Variants in STX8 observed in about 807,000 individuals in gnomAD.
The protein encoded by STX8 is syntaxin 8.
In STX8, 23 loss-of-function variants were observed where a neutral mutation model predicts 37.5. That is an observed-to-expected ratio of 0.61 (90% CI 0.44 to 0.87). The LOEUF (loss-of-function observed/expected upper bound fraction) is 0.87, where lower values mean the gene tolerates loss of function less well. STX8 is among the 40% of genes least tolerant of loss of function. STX8 has a pLI of 0.00. For synonymous variants in STX8, 115 were observed against 99.1 expected (o/e 1.16, Z -0.95); for missense variants, 313 against 284.7 (o/e 1.10, Z -0.71).
chr17:9,363,715 C>G (rs1911138864), intron 7 of STX8, among the ~76,000 whole-genome samples: 2 of 152,260 alleles, frequency 1.3e-5, no homozygotes, highest in South Asian at 4.1e-4. Flanking sequence ...GAAATCATAC[C>G]TTATCTTTCC....
chr17:9,541,616 G>A lies in STX8; in HGVS notation c.323+3556C>T, dbSNP rs543733566. ...CAAAGCCCACATGACTGACAGACTA[G>A]AAAGCTACAGAACTGGGTCCTTCTA... On this transcript the variant is annotated intron_variant, in intron 4 of 7. Transcript: ENST00000306357. Among the ~76,000 whole-genome samples the A allele has an allele frequency of 7.9e-5, 12 of 152,326 alleles. No individual in the cohort carries two copies. In the East Asian group the frequency reaches 2.3e-3, roughly 29 times the overall value.
intron 6 of STX8, among the ~76,000 whole-genome samples, chr17:9,464,175 C>G (rs895679465): frequency 5.9e-5 from 9 of 152,202 alleles, no homozygotes; most frequent in African/African-American, 2.2e-4. Flanking sequence ...AAATCTGATT[C>G]TTAAACAGCA....
At chr17:9,257,241 T>TA (rs1389891981) in intron 7 of STX8, among the ~76,000 whole-genome samples, 4 of 152,158 alleles carry the variant, frequency 2.6e-5, no homozygotes, top group Non-Finnish European at 5.9e-5. Flanking sequence ...TCATGGCAAT[T>TA]AAAAAAAGAT....
chr17:9,424,390 A>G (rs1913550874), intron 6 of STX8, among the ~76,000 whole-genome samples: 1 of 152,004 alleles, frequency 6.6e-6, no homozygotes, highest in Non-Finnish European at 1.5e-5. Flanking sequence ...TCAGGCCCCA[A>G]AAGTTGCTGC....
intron 7 of STX8, among the ~76,000 whole-genome samples, chr17:9,345,848 CTTTTTTT>C (rs545020159): frequency 5.8e-5 from 3 of 52,076 alleles, no homozygotes; most frequent in Non-Finnish European, 1.0e-4. Context: ...TTATGCATTC[CTTTTTTT>C]TTTTTTTTTT....
intron 6 of STX8, among the ~76,000 whole-genome samples, chr17:9,409,367 C>T (rs142409463): frequency 7.7e-4 from 117 of 152,256 alleles, no homozygotes; most frequent in African/African-American, 2.7e-3. Context: ...TATGTATCTT[C>T]TGGAAAAGGC....
At chr17:9,437,832 T>C (rs891153631) in intron 6 of STX8, 4 of 152,190 alleles carry the variant, frequency 2.6e-5, no homozygotes, top group Admixed American at 2.6e-4. Flanking sequence ...TAGACGCCTC[T>C]GTTTGCGGCC....
chr17:9,272,940 T>C (rs1459883654), intron 7 of STX8, among the ~76,000 whole-genome samples: 1 of 152,220 alleles, frequency 6.6e-6, no homozygotes, highest in African/African-American at 2.4e-5. Flanking sequence ...AATAAACATT[T>C]CAGCACAATC....
chr17:9,257,794 C>T (rs1312827497), intron 7 of STX8, among the ~76,000 whole-genome samples: 4 of 152,216 alleles, frequency 2.6e-5, no homozygotes, highest in African/African-American at 9.6e-5. Flanking sequence ...TTGAGACCAG[C>T]CTGGCCAGCA....
chr17:9,391,844 G>C (rs1369788261), intron 6 of STX8, among the ~76,000 whole-genome samples: 1 of 152,166 alleles, frequency 6.6e-6, no homozygotes, highest in Admixed American at 6.5e-5. Flanking sequence ...AATGCACCAG[G>C]AAGATCACAG....
At chr17:9,281,849 G>A (rs1307727200) in intron 7 of STX8, among the ~76,000 whole-genome samples, 4 of 152,144 alleles carry the variant, frequency 2.6e-5, no homozygotes, top group African/African-American at 9.7e-5. Flanking sequence ...CAGGAGAATC[G>A]CTTGAACCTG....
At chr17:9,335,023 G>T (rs575995803) in intron 7 of STX8, among the ~76,000 whole-genome samples, 3 of 152,020 alleles carry the variant, frequency 2.0e-5, no homozygotes, top group Admixed American at 6.6e-5. Flanking sequence ...TCACCGCTTC[G>T]ATCTGAGTCA....
At chr17:9,271,076 C>T (rs1024016277) in intron 7 of STX8, among the ~76,000 whole-genome samples, 2 of 152,308 alleles carry the variant, frequency 1.3e-5, no homozygotes, top group Non-Finnish European at 2.9e-5. Flanking sequence ...AATCACCTAA[C>T]GACAGAAATG....
At chr17:9,473,614 G>C (rs938021961) in intron 6 of STX8, among the ~76,000 whole-genome samples, 3 of 152,030 alleles carry the variant, frequency 2.0e-5, no homozygotes. Flanking sequence ...AGAGAATCGT[G>C]ACAAGAAAAA....
At chr17:9,471,137 G>A (rs1444430096) in intron 6 of STX8, among the ~76,000 whole-genome samples, 1 of 124,042 alleles carries the variant, frequency 8.1e-6, no homozygotes, top group Non-Finnish European at 1.6e-5. Context: ...CGGGGCGTGA[G>A]CCACCGCACC....
chr17:9,390,518 G>A lies in STX8; in HGVS notation c.542-11865C>T, dbSNP rs528814033. Among the ~76,000 whole-genome samples, 9 of 136,712 alleles carry A rather than the reference G, an allele frequency of 6.6e-5. No homozygotes were observed. In the East Asian group the frequency reaches 6.6e-4, roughly 10 times the overall value. 89.7% of individuals were successfully genotyped at this position (136,712 alleles called of 152,430 possible). ...GCCTGGACAGCAAGAGCGAAACTCC[G>A]TCTCAAAAAAAAAAAAAGTGTAACA... On this transcript the variant is annotated intron_variant, in intron 6 of 7. Transcript: ENST00000306357.
rs139483132 is a variant in STX8 at position 9,503,791 on chromosome 17, C to T, written c.448+1247G>A. On this transcript the variant is annotated intron_variant, in intron 5 of 7. Coordinates refer to ENST00000306357, the MANE Select transcript of STX8 (RefSeq NM_004853.3). The stretch of plus-strand genomic sequence containing the variant: ...TCTTTTTTTTCCTTTGAGATGGAGT[C>T]TCACTCTGTTGCACAGGCTGGAGTG... Among the ~76,000 whole-genome samples the T allele has an allele frequency of 3.9e-5, 6 of 152,266 alleles. No individual in the cohort carries two copies. The East Asian group carries it at 1.2e-3, about 29-fold the overall frequency.
intron 1 of STX8, among the ~76,000 whole-genome samples, chr17:9,572,380 G>T (rs1012403618): frequency 6.6e-6 from 1 of 151,902 alleles, no homozygotes; most frequent in Non-Finnish European, 1.5e-5. Flanking sequence ...AGCTGTAGTT[G>T]AATCTGTTTT....
chr17:9,483,512 A>C (rs1344107014), intron 6 of STX8, among the ~76,000 whole-genome samples: 2 of 152,122 alleles, frequency 1.3e-5, no homozygotes, highest in Non-Finnish European at 2.9e-5. Flanking sequence ...GGACTAGGAT[A>C]TCTTTGGGGG....
Sources: gnomAD v4.1 joint callset for allele counts (sites outside exome capture counted in the v4.1 genomes callset) on GRCh38, gnomAD v4.1.1 for gene constraint, MANE v1.5 for transcripts, NCBI Gene and HGNC (gene_info 2026-07-23, HGNC 2026-07-21) for gene names.